The following RYR2 variants were observed in gnomAD, a reference collection of about 807,000 sequenced individuals.
The protein encoded by RYR2 is ryanodine receptor 2.
Under a neutral mutation model 601.1 loss-of-function variants are expected in RYR2, and 227 were observed. The observed-to-expected ratio is 0.38, with a 90% CI of 0.34 to 0.42. The LOEUF is 0.42. Ranked by LOEUF, RYR2 falls within the 10% of genes least tolerant of loss-of-function variation. RYR2 has a pLI of 1.00. For missense variants in RYR2, 4,646 were observed against 6,156.5 expected (o/e 0.75, Z 8.21); for synonymous variants, 2,223 against 2,175.1 (o/e 1.02, Z -0.61).
intron 1 of RYR2, among the ~76,000 whole-genome samples, chr1:237,215,199 A>G (rs1191845531): frequency 6.6e-6 from 1 of 152,206 alleles, no homozygotes; most frequent in East Asian, 1.9e-4. Context: ...AAAACATTCC[A>G]GGAGGAAAAT....
intron 24 of RYR2, among the ~76,000 whole-genome samples, chr1:237,529,536 A>C (rs1267781235): frequency 1.3e-5 from 2 of 152,114 alleles, no homozygotes; most frequent in South Asian, 4.1e-4. Flanking sequence ...TCCACACATT[A>C]TTAAAATATT....
intron 27 of RYR2, among the ~76,000 whole-genome samples, chr1:237,558,199 A>T (rs1671096678): frequency 6.6e-6 from 1 of 152,190 alleles, no homozygotes; most frequent in African/African-American, 2.4e-5. Context: ...AGAAGTAAAG[A>T]TTGAAGACGC....
At chr1:237,277,736 C>T (rs1019371974) in intron 2 of RYR2, among the ~76,000 whole-genome samples, 3 of 152,126 alleles carry the variant, frequency 2.0e-5, no homozygotes, top group African/African-American at 7.2e-5. Context: ...AGGAGGATTG[C>T]TTGAGCCTAA....
At chr1:237,775,029 T>G (rs1210279365) in intron 87 of RYR2, among the ~76,000 whole-genome samples, 1 of 139,190 alleles carries the variant, frequency 7.2e-6, no homozygotes, top group African/African-American at 2.7e-5. Flanking sequence ...GTTTAAAGGA[T>G]ATTGGATAAA....
chr1:237,437,623 G>C (rs1157246954), intron 12 of RYR2, among the ~76,000 whole-genome samples: 1 of 152,164 alleles, frequency 6.6e-6, no homozygotes, highest in Non-Finnish European at 1.5e-5. Context: ...TTGAGGAACA[G>C]TTTTAACAAA....
chr1:237,198,661 TAGAG>T (rs1363779477), intron 1 of RYR2, among the ~76,000 whole-genome samples: 1 of 152,098 alleles, frequency 6.6e-6, no homozygotes, highest in East Asian at 1.9e-4. Context: ...TGACTGCTCT[TAGAG>T]AGACTATAGT....
intron 27 of RYR2, among the ~76,000 whole-genome samples, chr1:237,565,888 C>T (rs3766866): frequency 0.052 from 7,838 of 152,176 alleles, 276 homozygotes; most frequent in East Asian, 0.13. Context: ...ATACTTTTCC[C>T]CCTTTTGCAT....
chr1:237,535,840 T>A lies in RYR2; in HGVS notation c.2906+5330T>A, dbSNP rs577607438. 7.2e-5 allele frequency among the ~76,000 whole-genome samples: 11 copies of A among 152,336 alleles called. 1 individual carries two copies. Among genetic ancestry groups the A allele is most frequent in the African/African-American group, 2.6e-4 (11 of 41,586 alleles). On this transcript the variant is annotated intron_variant, in intron 25 of 104. Coordinates refer to ENST00000366574, the MANE Select transcript of RYR2 (RefSeq NM_001035.3). ...TTAATAAAGACGAAAATTCATATGA[T>A]CATCCCAATGTATTTAGAAATAAAT... is the stretch of plus-strand genomic sequence containing the variant.
At chr1:237,787,900 A>G in intron 91 of RYR2, 88 bp from the exon 92 acceptor site, 2 of 1,260,608 alleles carry the variant, frequency 1.6e-6, no homozygotes, top group Non-Finnish European at 2.2e-6. Flanking sequence ...ATGGCCTAAA[A>G]TATTTGTTCA....
intron 3 of RYR2, among the ~76,000 whole-genome samples, chr1:237,344,364 C>T (rs191269594): frequency 1.2e-4 from 19 of 152,304 alleles, no homozygotes; most frequent in African/African-American, 4.6e-4. Flanking sequence ...ACAAAGGAAT[C>T]TAAAACTGTA....
intron 1 of RYR2, among the ~76,000 whole-genome samples, chr1:237,214,934 T>C (rs150061559): frequency 7.7e-4 from 117 of 152,256 alleles, no homozygotes; most frequent in African/African-American, 2.7e-3. Context: ...GAGTTTGAAA[T>C]GGACTAGTAA....
intron 16 of RYR2, among the ~76,000 whole-genome samples, chr1:237,466,152 T>C (rs1218584102): frequency 6.6e-6 from 1 of 152,182 alleles, no homozygotes; most frequent in Non-Finnish European, 1.5e-5. Context: ...TATAAAGATG[T>C]ATAAAATTGT....
intron 1 of RYR2, among the ~76,000 whole-genome samples, chr1:237,194,428 G>A (rs1004744454): frequency 2.6e-5 from 4 of 152,176 alleles, no homozygotes; most frequent in Non-Finnish European, 5.9e-5. Context: ...TGAGATTCCC[G>A]TGTGGGAGAG....
chr1:237,567,415 CAA>C (rs3057438), intron 28 of RYR2, among the ~76,000 whole-genome samples: 1,253 of 111,986 alleles, frequency 0.011, 9 homozygotes, highest in East Asian at 0.043. Context: ...CCTGTCTCTA[CAA>C]AAAAAAAAAA....
intron 22 of RYR2, among the ~76,000 whole-genome samples, chr1:237,504,634 CT>C (rs1406518954): frequency 6.6e-6 from 1 of 152,114 alleles, no homozygotes; most frequent in Non-Finnish European, 1.5e-5. Context: ...ACAGGTGGAA[CT>C]TAGTGACAAA....
intron 40 of RYR2, among the ~76,000 whole-genome samples, chr1:237,627,122 C>T (rs960112584): frequency 2.0e-5 from 3 of 152,184 alleles, no homozygotes; most frequent in African/African-American, 7.2e-5. Flanking sequence ...ATAAATTGGT[C>T]ACCCCACTTA....
intron 100 of RYR2, among the ~76,000 whole-genome samples, chr1:237,818,627 C>T (rs772394528): frequency 1.3e-5 from 2 of 151,700 alleles, no homozygotes; most frequent in Non-Finnish European, 2.9e-5. Context: ...TCTAAGATTC[C>T]ATCTTATTAC....
At chr1:237,327,578 G>A (rs1407928095) in intron 2 of RYR2, among the ~76,000 whole-genome samples, 1 of 152,156 alleles carries the variant, frequency 6.6e-6, no homozygotes, top group Non-Finnish European at 1.5e-5. Context: ...TGGATGTTAT[G>A]AACAGGTGCA....
At chr1:237,070,925 C>T (rs1324445658) in intron 1 of RYR2, among the ~76,000 whole-genome samples, 1 of 152,246 alleles carries the variant, frequency 6.6e-6, no homozygotes, top group Non-Finnish European at 1.5e-5. Flanking sequence ...CATGTCACAG[C>T]CCTGGCTCAG....
Sources: allele counts gnomAD v4.1 joint callset (sites outside exome capture counted in the v4.1 genomes callset), GRCh38; gene constraint gnomAD v4.1.1; transcripts MANE v1.5; gene names NCBI Gene and HGNC (gene_info 2026-07-23, HGNC 2026-07-21).